The following COL28A1 variants were observed in gnomAD, a reference collection of about 807,000 sequenced individuals.
COL28A1 encodes collagen type XXVIII alpha 1 chain.
A neutral mutation model predicts 150.2 loss-of-function variants in COL28A1; 161 were observed. The ratio of observed to expected loss-of-function variants is 1.07; its 90% CI spans 0.94 to 1.22. The LOEUF (loss-of-function observed/expected upper bound fraction) is 1.22, where lower values mean the gene tolerates loss of function less well. Among genes scored for constraint, COL28A1 ranks in the 50% most tolerant of loss-of-function variants. The pLI is 0.00. For missense variants in COL28A1, 1,617 were observed against 1,388.3 expected (o/e 1.16, Z -2.62); for synonymous variants, 552 against 469.7 (o/e 1.18, Z -2.26).
chr7:7,496,697 T>C (rs763091597), intron 11 of COL28A1, among the ~76,000 whole-genome samples: 2 of 152,212 alleles, frequency 1.3e-5, no homozygotes, highest in Non-Finnish European at 2.9e-5. Flanking sequence ...CAAATGGTTA[T>C]CCAAGACTGA....
At chr7:7,342,718 C>G in the COL28A1 span, among the ~76,000 whole-genome samples, 3,147 of 152,032 alleles carry the variant, frequency 0.021, 138 homozygotes, top group African/African-American at 0.072. Context: ...CTTTTACTCA[C>G]TTTGGATTTA....
chr7:7,513,994 GA>G (rs1781289845), intron 8 of COL28A1, among the ~76,000 whole-genome samples: 1 of 152,220 alleles, frequency 6.6e-6, no homozygotes, highest in African/African-American at 2.4e-5. Context: ...TGCTCCTGGT[GA>G]AATTCTGGTT....
Position 7,441,504 on chromosome 7 carries a change from A to T in COL28A1, c.1651-643T>A, listed in dbSNP as rs1324768131. Among the ~76,000 whole-genome samples the T allele has an allele frequency of 6.9e-5, 10 of 145,336 alleles. No homozygotes were observed. In the East Asian group the frequency reaches 1.4e-3, roughly 21 times the overall value. ...CAACTGCAAGGCGCCATATCCAGGG[A>T]TGTACACAGCTCAACAAACGAAAAA... On this transcript the variant is annotated intron_variant, in intron 20 of 34. Coordinates refer to ENST00000399429, the MANE Select transcript of COL28A1 (RefSeq NM_001037763.3).
At chr7:7,517,334 A>T (rs943179816) in intron 7 of COL28A1, among the ~76,000 whole-genome samples, 1 of 152,182 alleles carries the variant, frequency 6.6e-6, no homozygotes, top group African/African-American at 2.4e-5. Context: ...ATATACTGTA[A>T]TTAGTTCTTG....
intron 13 of COL28A1, among the ~76,000 whole-genome samples, chr7:7,486,555 T>G (rs1779635885): frequency 6.6e-6 from 1 of 152,220 alleles, no homozygotes; most frequent in South Asian, 2.1e-4. Flanking sequence ...CTATTACGCA[T>G]AATGTTAGCT....
intron 27 of COL28A1, among the ~76,000 whole-genome samples, chr7:7,414,402 A>T (rs1006694488): frequency 3.3e-5 from 5 of 152,206 alleles, no homozygotes; most frequent in African/African-American, 1.2e-4. Flanking sequence ...CAAACAACAG[A>T]CATCTGTGGT....
chr7:7,527,792 A>G (rs189429426), intron 3 of COL28A1, among the ~76,000 whole-genome samples: 4 of 152,290 alleles, frequency 2.6e-5, no homozygotes, highest in South Asian at 2.1e-4. Context: ...GGAATCACCA[A>G]TTTTTCAAGG....
rs772921759 is a variant in COL28A1 at position 7,432,675 on chromosome 7, AC to A, written c.1885del (p.Val629TrpfsTer55). On this transcript the variant is annotated frameshift_variant, in exon 24 of 35. Coordinates refer to ENST00000399429, the MANE Select transcript of COL28A1 (RefSeq NM_001037763.3). LOFTEE classifies it high-confidence loss of function. ...PKGVQGPRGPVGAPGLKGDGY... is the reference protein window; with the variant it reads ...PKGVQGPRGPXGAPGLKGDGY... The stretch of plus-strand genomic sequence containing the variant: ...ATCACCTTTGAGTCCTGGAGCACCC[AC>A]TGGTCCCCGAGGGCCTTGGACACCC... 11 of 1,613,834 alleles carry A rather than the reference AC, an allele frequency of 6.8e-6. No homozygotes were observed. The highest frequency in any genetic ancestry group is 1.7e-6 in the Non-Finnish European group (2 of 1,180,008).
At chr7:7,479,455 CAG>C (rs1476150320) in intron 13 of COL28A1, among the ~76,000 whole-genome samples, 2 of 152,142 alleles carry the variant, frequency 1.3e-5, no homozygotes, top group Admixed American at 6.5e-5. Context: ...GAGAAGGATG[CAG>C]AGTGATTTAA....
At chr7:7,454,955 A>G (rs1787026169) in intron 16 of COL28A1, among the ~76,000 whole-genome samples, 1 of 152,204 alleles carries the variant, frequency 6.6e-6, no homozygotes. Flanking sequence ...ACCTCTGCCA[A>G]TGGCAAGGGA....
the COL28A1 span, among the ~76,000 whole-genome samples, chr7:7,339,442 A>T: frequency 1.3e-5 from 2 of 152,154 alleles, no homozygotes; most frequent in Admixed American, 1.3e-4. Context: ...AGCATTATCA[A>T]AATTGACTCT....
chr7:7,400,057 T>C (rs1167331948), intron 27 of COL28A1, among the ~76,000 whole-genome samples: 7 of 152,248 alleles, frequency 4.6e-5, no homozygotes, highest in African/African-American at 1.7e-4. Context: ...CAGATTACTC[T>C]TCTCTTTTCC....
intron 11 of COL28A1, 143 bp downstream of exon 11, chr7:7,505,871 T>A: frequency 1.6e-6 from 1 of 620,736 alleles, no homozygotes; most frequent in East Asian, 2.7e-5. Flanking sequence ...GACTTAATTC[T>A]CTGTATACAT....
At chr7:7,483,719 T>C (rs1358719245) in intron 13 of COL28A1, among the ~76,000 whole-genome samples, 2 of 151,934 alleles carry the variant, frequency 1.3e-5, no homozygotes, top group African/African-American at 4.8e-5. Context: ...CAACGTAAAC[T>C]TCCTCAAGAA....
intron 19 of COL28A1, among the ~76,000 whole-genome samples, chr7:7,444,104 T>C (rs28753676): frequency 0.21 from 32,222 of 151,234 alleles, 4,756 homozygotes; most frequent in African/African-American, 0.42. Context: ...TTTACAGACT[T>C]GCCTCTTAGG....
At chr7:7,390,304 G>A (rs1398294066) in intron 27 of COL28A1, among the ~76,000 whole-genome samples, 1 of 152,148 alleles carries the variant, frequency 6.6e-6, no homozygotes, top group African/African-American at 2.4e-5. Flanking sequence ...TACTTGATTT[G>A]CGTATGTTGA....
intron 27 of COL28A1, among the ~76,000 whole-genome samples, chr7:7,414,495 G>A (rs912966809): frequency 2.6e-5 from 4 of 152,194 alleles, no homozygotes; most frequent in African/African-American, 9.6e-5. Flanking sequence ...ATGGCAGGAG[G>A]CTGCCATGGT....
At chr7:7,454,591 C>T (rs1786992367) in intron 16 of COL28A1, among the ~76,000 whole-genome samples, 1 of 152,080 alleles carries the variant, frequency 6.6e-6, no homozygotes, top group South Asian at 2.1e-4. Flanking sequence ...CAACAACCTC[C>T]ACCAAGGAAC....
At position 7,358,813 on chromosome 7, in the gene COL28A1, G is replaced by A. The variant is rs1258502582; in HGVS notation, c.3206-8C>T. On this transcript the variant is annotated splice_polypyrimidine_tract_variant and splice_region_variant and intron_variant, in intron 34 of 34. Transcript: ENST00000399429. ...CTTCCAAACATCTAGGATCTAGAGT[G>A]AGAAAAGGAAAATGTGTCACGGATT... The A allele has an allele frequency of 1.2e-6, 2 of 1,601,044 alleles. No individual in the cohort carries two copies. The highest frequency in any genetic ancestry group is 2.7e-5 in the African/African-American group (2 of 74,158).
Sources: allele counts gnomAD v4.1 joint callset (sites outside exome capture counted in the v4.1 genomes callset), GRCh38; gene constraint gnomAD v4.1.1; transcripts MANE v1.5; gene names NCBI Gene and HGNC (gene_info 2026-07-23, HGNC 2026-07-21).